The following TMTC4 variants were observed in gnomAD, a reference collection of about 807,000 sequenced individuals.
TMTC4 encodes the protein protein O-mannosyl-transferase TMTC4.
Under a neutral mutation model 86.0 loss-of-function variants are expected in TMTC4, and 65 were observed. The ratio of observed to expected loss-of-function variants is 0.76; its 90% CI spans 0.62 to 0.93. The LOEUF (loss-of-function observed/expected upper bound fraction) is 0.93, where lower values mean the gene tolerates loss of function less well. Among genes scored for constraint, TMTC4 ranks in the 40% least tolerant of loss-of-function variants. TMTC4 has a pLI of 0.00. For missense variants in TMTC4, 866 were observed against 948.1 expected (o/e 0.91, Z 1.14); for synonymous variants, 379 against 382.5 (o/e 0.99, Z 0.11).
In TMTC4 at chr13:100,605,531, C is replaced by A. The variant is rs1876456701; in HGVS notation, c.2135-389G>T. On this transcript the variant is annotated intron_variant, in intron 18 of 18. Coordinates refer to ENST00000342624, the MANE Select transcript of TMTC4 (RefSeq NM_032813.5). The surrounding 1 kb of genome is among the most constrained non-coding windows in gnomAD (Gnocchi z 4.3). The stretch of plus-strand genomic sequence containing the variant: ...CCAGAGCCCTGACTATGCAGAAGTT[C>A]AGCTGTTTATTTTAAATATTTCCTT... Among the ~76,000 whole-genome samples, 1 of 152,118 alleles carries A rather than the reference C, an allele frequency of 6.6e-6. No homozygotes were observed. Among genetic ancestry groups the A allele is most frequent in the African/African-American group, 2.4e-5 (1 of 41,430 alleles).
chr13:100,615,092 A>T (rs1878262494), intron 15 of TMTC4: 1 of 164,026 alleles, frequency 6.1e-6, no homozygotes. Context: ...GAAGGAGAAA[A>T]ATACCTGTTG....
At chr13:100,615,405 T>C (rs1330033332) in intron 15 of TMTC4, among the ~76,000 whole-genome samples, 1 of 151,844 alleles carries the variant, frequency 6.6e-6, no homozygotes, top group Non-Finnish European at 1.5e-5. Context: ...CCTCCCGAAG[T>C]GCTGGGATTA....
At chr13:100,652,339 C>T (rs1353385198) in intron 6 of TMTC4, among the ~76,000 whole-genome samples, 3 of 150,706 alleles carry the variant, frequency 2.0e-5, no homozygotes, top group East Asian at 2.0e-4. Context: ...ACTAGCTGGG[C>T]GTGGTGGTGG....
chr13:100,632,053 A>ACACTCTCTCTCTCTCTCTCTCTCT (rs1296569630), intron 12 of TMTC4, among the ~76,000 whole-genome samples: 5 of 43,108 alleles, frequency 1.2e-4, no homozygotes, highest in Non-Finnish European at 1.4e-4. Context: ...ACACACACAC[A>ACACTCTCTCTCTCTCTCTCTCTCT]CTCTCTCTCT....
intron 15 of TMTC4, among the ~76,000 whole-genome samples, chr13:100,615,914 C>A (rs1368966898): frequency 1.3e-5 from 2 of 152,178 alleles, no homozygotes; most frequent in African/African-American, 4.8e-5. Context: ...CCTGCCTCCC[C>A]ACTCTAGTAG....
chr13:100,656,645 G>C lies in TMTC4; in HGVS notation c.553-177C>G, dbSNP rs757591222. On this transcript the variant is annotated intron_variant, in intron 5 of 18. Coordinates refer to ENST00000342624, the MANE Select transcript of TMTC4 (RefSeq NM_032813.5). Reference sequence around the variant, plus strand: ...GTAGCCTCAACCCCCCTGGGCTCAAGCAATTCTCCCATCTCAGCCTCCTGA... The same window carrying C: ...GTAGCCTCAACCCCCCTGGGCTCAACCAATTCTCCCATCTCAGCCTCCTGA... Among the ~76,000 whole-genome samples the C allele has an allele frequency of 7.0e-4, 103 of 146,536 alleles. 1 individual carries two copies. Among genetic ancestry groups the C allele is most frequent in the Non-Finnish European group, 2.1e-4 (14 of 67,008 alleles).
intron 10 of TMTC4, 63 bp from the exon 11 acceptor site, chr13:100,635,258 C>T: frequency 1.4e-6 from 2 of 1,433,762 alleles, no homozygotes; most frequent in Non-Finnish European, 9.3e-7. Context: ...AAACATCCTA[C>T]TCCACATTAA....
In TMTC4 at chr13:100,625,845, A is replaced by G. The variant is rs542454383; in HGVS notation, c.1634T>C (p.Leu545Ser). Reference protein sequence around the residue: ...VHAMNNLGNILKERNELQEAE... With the variant: ...VHAMNNLGNISKERNELQEAE... ...TTCCTGTAGCTCATTCCTTTCTTTT[A>G]AGATATTTCCAAGATTATTCATGGC... Residue 545 changes from leucine (L) to serine (S), a missense_variant, in exon 14 of 19, where the codon TTA becomes TCA. Transcript: ENST00000342624. The G allele has an allele frequency of 4.3e-6, 7 of 1,613,836 alleles. No homozygotes were observed. The East Asian group carries it at 1.6e-4, about 36-fold the overall frequency.
In TMTC4 at chr13:100,665,845, T is replaced by G. The variant is rs563610001; in HGVS notation, c.220-1509A>C. The G allele has an allele frequency of 3.7e-5, 12 of 327,626 alleles. No individual in the cohort carries two copies. The Admixed American group carries it at 4.8e-4, about 13-fold the overall frequency. The allele number at this position is 327,626 out of a possible 1,614,324, so 20.3% of individuals were successfully genotyped here. A position where few individuals can be genotyped will look rare whatever the true frequency, so the allele number is the denominator to read the frequency against. ...CTGTTAAGGGTGACATTTGCTTCCA[T>G]GGGCATCGGCTTCAGAAGCCAGGAG... On this transcript the variant is annotated intron_variant, in intron 3 of 18. Transcript: ENST00000342624.
intron 12 of TMTC4, among the ~76,000 whole-genome samples, chr13:100,626,363 G>A (rs1000243724): frequency 6.6e-6 from 1 of 152,182 alleles, no homozygotes; most frequent in Admixed American, 6.5e-5. Flanking sequence ...GTATAGGCAT[G>A]ATACATCTCT....
intron 6 of TMTC4, among the ~76,000 whole-genome samples, chr13:100,646,760 A>T (rs1222828344): frequency 3.3e-5 from 5 of 152,196 alleles, no homozygotes; most frequent in Non-Finnish European, 7.3e-5. Flanking sequence ...TGCAGAAATT[A>T]ATTACTTTCT....
At chr13:100,622,871 C>G (rs1027080070) in intron 15 of TMTC4, among the ~76,000 whole-genome samples, 1 of 152,100 alleles carries the variant, frequency 6.6e-6, no homozygotes, top group Non-Finnish European at 1.5e-5. Flanking sequence ...AAGCATTACT[C>G]GTCCACGTAA....
intron 12 of TMTC4, among the ~76,000 whole-genome samples, chr13:100,632,810 G>GA (rs1881624980): frequency 6.6e-6 from 1 of 152,122 alleles, no homozygotes; most frequent in African/African-American, 2.4e-5. Flanking sequence ...AACAGATCCA[G>GA]AGAGCTCCCC....
At chr13:100,623,613 AT>A (rs2138790755) in intron 15 of TMTC4, among the ~76,000 whole-genome samples, 1 of 135,180 alleles carries the variant, frequency 7.4e-6, no homozygotes, top group East Asian at 2.4e-4. Context: ...GTCTGGATGC[AT>A]GTCAGTTTTG....
chr13:100,624,029 A>G (rs1880015152), intron 15 of TMTC4: 1 of 273,700 alleles, frequency 3.7e-6, no homozygotes, highest in Non-Finnish European at 7.3e-6. Flanking sequence ...TGTTATCAAT[A>G]GAAACACCAC....
chr13:100,649,917 C>T (rs561830144), intron 6 of TMTC4, among the ~76,000 whole-genome samples: 8 of 152,142 alleles, frequency 5.3e-5, no homozygotes, highest in African/African-American at 1.7e-4. Flanking sequence ...AACACAGCTG[C>T]ACTTATAAAT....
chr13:100,612,568 T>G, intron 16 of TMTC4, 58 bp from the exon 17 acceptor site: 3 of 1,299,916 alleles, frequency 2.3e-6, no homozygotes, highest in South Asian at 2.5e-5. Context: ...GCATTTTAGC[T>G]TCTCTCTATA....
intron 5 of TMTC4, among the ~76,000 whole-genome samples, chr13:100,657,381 G>C (rs1594356319): frequency 6.6e-6 from 1 of 152,206 alleles, no homozygotes; most frequent in South Asian, 2.1e-4. Context: ...TAACAACTAG[G>C]ATGAGAACAG....
Position 100,663,195 on chromosome 13 carries a change from G to A in TMTC4, c.336-15C>T. The A allele has an allele frequency of 1.9e-6, 3 of 1,613,170 alleles. No homozygotes were observed. Among genetic ancestry groups the A allele is most frequent in the Non-Finnish European group, 2.5e-6 (3 of 1,179,204 alleles). ...AGTAGTTAATCCTGCAGAAACACAG[G>A]GTGTTCAGGGTACACGCGCAGCGGC... On this transcript the variant is annotated splice_polypyrimidine_tract_variant and intron_variant, in intron 4 of 18. Coordinates refer to ENST00000342624, the MANE Select transcript of TMTC4 (RefSeq NM_032813.5).
Sources: gnomAD v4.1 joint callset for allele counts (sites outside exome capture counted in the v4.1 genomes callset) on GRCh38, gnomAD v4.1.1 for gene constraint, Gnocchi (gnomAD v3.1) non-coding constraint, MANE v1.5 for transcripts, NCBI Gene and HGNC (gene_info 2026-07-23, HGNC 2026-07-21) for gene names.